Variants in PEX1 observed in about 807,000 individuals in gnomAD.
The protein encoded by PEX1 is peroxisomal biogenesis factor 1.
A neutral mutation model predicts 152.5 loss-of-function variants in PEX1; 97 were observed. That is an observed-to-expected ratio of 0.64 (90% CI 0.54 to 0.75). The LOEUF is 0.75. Ranked by LOEUF, PEX1 falls within the 30% of genes least tolerant of loss-of-function variation. The pLI, the probability that PEX1 is intolerant of heterozygous loss-of-function variation, is 0.00. For synonymous variants in PEX1, 485 were observed against 531.6 expected (o/e 0.91, Z 1.21); for missense variants, 1,357 against 1,516.3 (o/e 0.89, Z 1.74).
intron 23 of PEX1, among the ~76,000 whole-genome samples, chr7:92,488,986 G>A (rs1791106773): frequency 6.6e-6 from 1 of 152,072 alleles, no homozygotes; most frequent in African/African-American, 2.4e-5. Context: ...CACCTGCCTT[G>A]GCCTCCCAAA....
At position 92,516,055 on chromosome 7, in the gene PEX1, AAAAAGAAAAGAAAAGAAAAG is replaced by A. The variant is rs58641640; in HGVS notation, c.1239+1201_1239+1220del. 1.4e-3 allele frequency among the ~76,000 whole-genome samples: 124 copies of A among 85,778 alleles called. 2 individuals are homozygous for A. The highest frequency in any genetic ancestry group is 4.2e-3 in the East Asian group (11 of 2,614). 56.3% of individuals were successfully genotyped at this position (85,778 alleles called of 152,430 possible). A position where few individuals can be genotyped will look rare whatever the true frequency, so the allele number is the denominator to read the frequency against. ...AGAGAAGAGAAGAGAAGAGAAGAGA[AAAAAGAAAAGAAAAGAAAAG>A]AAAAGAAAAGAAAAGAAAAGAAAAG... On this transcript the variant is annotated intron_variant, in intron 5 of 23. Coordinates refer to ENST00000248633, the MANE Select transcript of PEX1 (RefSeq NM_000466.3).
chr7:92,512,769 C>T (rs972969791), intron 6 of PEX1, among the ~76,000 whole-genome samples: 7 of 152,058 alleles, frequency 4.6e-5, no homozygotes, highest in Non-Finnish European at 7.4e-5. Flanking sequence ...GGATAACAGG[C>T]GTGAGCTACC....
chr7:92,499,438 C>A (rs1163963876), intron 16 of PEX1, among the ~76,000 whole-genome samples: 1 of 151,916 alleles, frequency 6.6e-6, no homozygotes. Context: ...TGAAAGAAGC[C>A]AGACAAAAAA....
intron 23 of PEX1, among the ~76,000 whole-genome samples, chr7:92,487,981 C>T (rs1791026600): frequency 6.6e-6 from 1 of 152,158 alleles, no homozygotes; most frequent in Non-Finnish European, 1.5e-5. Context: ...TATACAATTC[C>T]ACCTCTATCC....
At chr7:92,512,843 C>T (rs1792542415) in intron 6 of PEX1, among the ~76,000 whole-genome samples, 1 of 151,862 alleles carries the variant, frequency 6.6e-6, no homozygotes, top group Non-Finnish European at 1.5e-5. Flanking sequence ...GTTGCCCAGG[C>T]TATTCTCAAA....
chr7:92,517,794 A>G lies in PEX1; in HGVS notation c.721T>C (p.Ser241Pro), dbSNP rs753823218. The change falls in exon 5 of 24, where the codon TCA (serine) becomes CCA (proline). Residue 241 changes from serine to proline, a missense_variant. Physicochemically the swap from Ser to Pro is moderately conservative, Grantham distance 74 (BLOSUM62 -1). Coordinates refer to ENST00000248633, the MANE Select transcript of PEX1 (RefSeq NM_000466.3). ...ATCATAGTCCATAAACTTGCTACTG[A>G]TGATGAGTCAACTGGAATCTCTGAC... is the stretch of plus-strand genomic sequence containing the variant. ...NESEIPVDSSSVASLWTMIGS... is the reference protein window; with the variant it reads ...NESEIPVDSSPVASLWTMIGS... 7.0e-6 allele frequency: 11 copies of G among 1,563,658 alleles called. No individual in the cohort carries two copies. The East Asian group carries it at 2.5e-4, about 35-fold the overall frequency.
chr7:92,528,371 G>C lies in PEX1; in HGVS notation c.65C>G (p.Thr22Ser). ...GGGAAVTVAF[T>S]NARDCFLHLP... ...GTGGAGGAAGCAGTCGCGAGCGTTGGTGAAGGCCACAGTCACTGCCGCCCC... is the reference window on the plus strand; with the variant it reads ...GTGGAGGAAGCAGTCGCGAGCGTTGCTGAAGGCCACAGTCACTGCCGCCCC... The change falls in exon 1 of 24, where the codon ACC (threonine) becomes AGC (serine). Residue 22 changes from threonine (T) to serine (S), a missense_variant. By Grantham distance (58) the Thr-to-Ser change is moderately conservative. Transcript: ENST00000248633. The C allele has an allele frequency of 1.3e-6, 2 of 1,591,820 alleles. No individual in the cohort carries two copies. The highest frequency in any genetic ancestry group is 1.7e-6 in the Non-Finnish European group (2 of 1,170,976).
rs757149759 is a variant in PEX1, at chr7:92,502,028, C to G, written c.2278G>C (p.Asp760His). 5 of 1,612,990 alleles carry G rather than the reference C, an allele frequency of 3.1e-6. No homozygotes were observed. Among genetic ancestry groups the G allele is most frequent in the Non-Finnish European group, 3.4e-6 (4 of 1,179,136 alleles). The change falls in exon 14 of 24, where the codon GAT (aspartate) becomes CAT (histidine). Residue 760 changes from aspartate to histidine, a missense_variant. Asp to His is a moderately conservative substitution (Grantham distance 81). Transcript: ENST00000248633. The part of the protein sequence containing the change: ...CNVIKNKLDC[D>H]INKFTDLDLQ... ...TCAAGATCGGTGAACTTGTTTATAT[C>G]ACAGTCCAATTTATTTTTTATTACA...
At chr7:92,501,465 C>A (rs1261945936) in intron 15 of PEX1, 42 bp downstream of exon 15, 9 of 1,543,112 alleles carry the variant, frequency 5.8e-6, no homozygotes, top group Non-Finnish European at 1.8e-6. Context: ...TACAGTGGTT[C>A]TTCTGGGAGT....
chr7:92,500,643 C>T (rs1369546613), intron 15 of PEX1, among the ~76,000 whole-genome samples: 1 of 152,220 alleles, frequency 6.6e-6, no homozygotes, highest in African/African-American at 2.4e-5. Context: ...TCCCAGGCCC[C>T]AGTGGCCACT....
chr7:92,498,219 CTG>C (rs1234713831), intron 16 of PEX1, among the ~76,000 whole-genome samples: 1 of 151,910 alleles, frequency 6.6e-6, no homozygotes, highest in Non-Finnish European at 1.5e-5. Flanking sequence ...CATTACTAAA[CTG>C]AGCTGGGCAC....
intron 1 of PEX1, 123 bp downstream of exon 1, chr7:92,528,184 C>A: frequency 3.0e-6 from 4 of 1,314,048 alleles, no homozygotes; most frequent in Admixed American, 2.0e-5. Flanking sequence ...CGTCGAGGGA[C>A]CCTGATCTCT....
chr7:92,527,801 G>A (rs1319093511), intron 1 of PEX1, among the ~76,000 whole-genome samples: 1 of 152,362 alleles, frequency 6.6e-6, no homozygotes, highest in East Asian at 1.9e-4. Flanking sequence ...ACACACTACA[G>A]CTGTGTTCCG....
chr7:92,504,210 T>C (rs902329817), intron 12 of PEX1, among the ~76,000 whole-genome samples: 2 of 151,982 alleles, frequency 1.3e-5, no homozygotes, highest in Non-Finnish European at 2.9e-5. Context: ...TATGCTGTCA[T>C]CTCCTTGTTG....
intron 8 of PEX1, among the ~76,000 whole-genome samples, chr7:92,510,225 G>T (rs1792395787): frequency 6.6e-6 from 1 of 152,002 alleles, no homozygotes. Flanking sequence ...CACAACTTTG[G>T]GTGGGCAAGG....
Position 92,506,257 on chromosome 7 carries a change from C to T in PEX1, c.1891G>A (p.Ala631Thr). 1 of 1,580,898 alleles carries T rather than the reference C, an allele frequency of 6.3e-7. No homozygotes were observed. The highest frequency in any genetic ancestry group is 8.7e-7 in the Non-Finnish European group (1 of 1,149,968). The stretch of plus-strand genomic sequence containing the variant: ...GTTACCATACTCATACCTCGTAAAG[C>T]TTTACAGTCAACTCTCTCCACATGG... The part of the protein sequence containing the change: ...DAHVERVDCK[A>T]LRGKRLENIQ... The change falls in exon 11 of 24, where the codon GCT becomes ACT. Residue 631 changes from alanine to threonine, a missense_variant. Ala to Thr is a moderately conservative substitution (Grantham distance 58). Coordinates refer to ENST00000248633, the MANE Select transcript of PEX1 (RefSeq NM_000466.3).
At position 92,517,975 on chromosome 7, in the gene PEX1, C is replaced by T. The variant is rs1418653170; in HGVS notation, c.540G>A (p.Lys180=). 5 of 1,613,268 alleles carry T rather than the reference C, an allele frequency of 3.1e-6. No homozygotes were observed. The highest frequency in any genetic ancestry group is 4.2e-6 in the Non-Finnish European group (5 of 1,179,704). ...ETDTKLLIQP[K]TRRAKENTFS... ...ATGTATTCTCTTTGGCTCGGCGTGT[C>T]TTTGGCTGAATAAGGAGTTTGGTGT... The change falls in exon 5 of 24, where the codon AAG becomes AAA. Residue 180 remains lysine, a synonymous_variant. Transcript: ENST00000248633.
In PEX1 at chr7:92,510,937, C is replaced by A. The variant is rs371765274; in HGVS notation, c.1587+7G>T. On this transcript the variant is annotated splice_region_variant and intron_variant, in intron 8 of 23. Coordinates refer to ENST00000248633, the MANE Select transcript of PEX1 (RefSeq NM_000466.3). The stretch of plus-strand genomic sequence containing the variant: ...ATTTTATTAAATATTCAATAACATG[C>A]TATTACTTGTATTGTAGTCTTCTGC... The A allele has an allele frequency of 7.8e-7, 1 of 1,283,924 alleles. No homozygotes were observed. Among genetic ancestry groups the A allele is most frequent in the East Asian group, 2.3e-5 (1 of 43,278 alleles). The allele number at this position is 1,283,924 out of a possible 1,614,324, so 79.5% of individuals were successfully genotyped here.
Position 92,499,842 on chromosome 7 carries a change from A to AT in PEX1, c.2584-5_2584-4insA. Reference sequence around the variant, plus strand: ...AGTTTGCAAATAATTCTGGATACTGAGAAACAAAAAAAAAAAATATGAAAA... The same window carrying AT: ...AGTTTGCAAATAATTCTGGATACTGATGAAACAAAAAAAAAAAATATGAAAA... On this transcript the variant is annotated splice_region_variant and splice_polypyrimidine_tract_variant and intron_variant, in intron 15 of 23. Transcript: ENST00000248633. The AT allele has an allele frequency of 6.6e-7, 1 of 1,507,770 alleles. No homozygotes were observed. 93.4% of individuals were successfully genotyped at this position (1,507,770 alleles called of 1,614,324 possible).
Sources: gnomAD v4.1 joint callset for allele counts (sites outside exome capture counted in the v4.1 genomes callset) on GRCh38, gnomAD v4.1.1 for gene constraint, MANE v1.5 for transcripts, NCBI Gene and HGNC (gene_info 2026-07-23, HGNC 2026-07-21) for gene names.